SMURF1: variants seen among roughly 807,000 people sequenced by gnomAD.
The protein encoded by SMURF1 is E3 ubiquitin-protein ligase SMURF1.
SMURF1 carries 44 observed loss-of-function variants against 98.0 expected under a neutral mutation model. That is an observed-to-expected ratio of 0.45 (90% confidence interval 0.35 to 0.58). SMURF1 has a LOEUF of 0.58. Ranked by LOEUF, SMURF1 falls within the 20% of genes least tolerant of loss-of-function variation. SMURF1 has a pLI of 0.00. For synonymous variants in SMURF1, 396 were observed against 374.9 expected, an observed-to-expected ratio of 1.06 and a Z score of -0.65; for missense variants, 687 against 938.4, an observed-to-expected ratio of 0.73 and a Z score of 3.50.
chr7:99,095,612 T>C (rs573407352), intron 1 of SMURF1, among the ~76,000 whole-genome samples: 7 of 152,316 alleles, frequency 4.6e-5, no homozygotes, highest in Admixed American at 6.5e-5. Context: ...AAATTTTCCA[T>C]CACAGCAGAA....
At chr7:99,047,095 A>AGGGCCTGGTCTGTTTAG (rs1795608313) in intron 10 of SMURF1, among the ~76,000 whole-genome samples, 1 of 152,238 alleles carries the variant, frequency 6.6e-6, no homozygotes, top group African/African-American at 2.4e-5. Context: ...TCTTGGGAAA[A>AGGGCCTGGTCTGTTTAG]GGGCCTGGTC....
Position 99,144,037 on chromosome 7 carries a change from G to T in SMURF1, c.-257C>A, listed in dbSNP as rs867996603. The T allele has an allele frequency of 4.6e-3, 900 of 197,140 alleles. 10 individuals carry two copies. The highest frequency in any genetic ancestry group is 0.022 in the African/African-American group (825 of 37,638). The allele number at this position is 197,140 out of a possible 1,614,324, so 12.2% of individuals were successfully genotyped here. On this transcript the variant is annotated 5_prime_UTR_variant, in exon 1 of 18. Coordinates refer to ENST00000361368, the MANE Select transcript of SMURF1 (RefSeq NM_181349.3). ...CCGAGCCGCCGCCGCCTCCGCCGCCGCCTCCGCCGCCTCCACCACCTCAGA... is the reference window on the plus strand; with the variant it reads ...CCGAGCCGCCGCCGCCTCCGCCGCCTCCTCCGCCGCCTCCACCACCTCAGA...
chr7:99,079,229 C>G (rs774085265), intron 1 of SMURF1, among the ~76,000 whole-genome samples: 3 of 152,226 alleles, frequency 2.0e-5, no homozygotes, highest in Admixed American at 6.5e-5. Flanking sequence ...ATGCCCACCC[C>G]CCAGTGGAGG....
intron 1 of SMURF1, among the ~76,000 whole-genome samples, chr7:99,131,062 T>A (rs1301696716): frequency 6.6e-6 from 1 of 151,980 alleles, no homozygotes; most frequent in African/African-American, 2.4e-5. Flanking sequence ...GGGGAAGAGA[T>A]GGTCATGAAT....
chr7:99,040,600 G>A (rs370768035), intron 12 of SMURF1, 44 bp from the exon 13 acceptor site: 4 of 1,369,490 alleles, frequency 2.9e-6, no homozygotes, highest in Non-Finnish European at 2.9e-6. Context: ...GCATGGTGCC[G>A]GCCAATGTGG....
chr7:99,059,473 T>C (rs1367543808), intron 3 of SMURF1, among the ~76,000 whole-genome samples: 1 of 146,294 alleles, frequency 6.8e-6, no homozygotes, highest in African/African-American at 2.5e-5. Context: ...AAAATAGTGG[T>C]CTTCAAAGTA....
intron 14 of SMURF1, among the ~76,000 whole-genome samples, chr7:99,037,423 A>G (rs1326544997): frequency 6.6e-6 from 1 of 152,182 alleles, no homozygotes; most frequent in Non-Finnish European, 1.5e-5. Context: ...TTTTTAGTGG[A>G]GATGGGGTTT....
Position 99,030,644 on chromosome 7 carries a change from C to T in SMURF1, c.2136G>A (p.Glu712=), listed in dbSNP as rs755109324. The change falls in exon 18 of 18, where the codon GAG becomes GAA. Residue 712 remains glutamate (E), a synonymous_variant. Transcript: ENST00000361368. ...CTGTCAGCAGCTTCTCGTAGAGCTT[C>T]TCATAGGACTCATATGGTGGAATGT... ...RIDIPPYESY[E]KLYEKLLTAV... is the part of the protein sequence containing the mutation. 1.4e-5 allele frequency: 23 copies of T among 1,614,028 alleles called. No homozygotes were observed. The highest frequency in any genetic ancestry group is 1.9e-5 in the Non-Finnish European group (22 of 1,180,034).
intron 6 of SMURF1, among the ~76,000 whole-genome samples, chr7:99,053,271 A>G (rs1180445247): frequency 6.6e-6 from 1 of 152,092 alleles, no homozygotes; most frequent in East Asian, 1.9e-4. Context: ...AAAATTTCAA[A>G]TATGTATAAA....
chr7:99,046,260 A>G (rs1795569935), intron 10 of SMURF1, among the ~76,000 whole-genome samples: 1 of 152,200 alleles, frequency 6.6e-6, no homozygotes, highest in Admixed American at 6.5e-5. Flanking sequence ...CAAAAGGCAA[A>G]AAGATTTTAA....
At chr7:99,038,290 A>G in intron 14 of SMURF1, 98 bp downstream of exon 14, 5 of 1,392,358 alleles carry the variant, frequency 3.6e-6, no homozygotes, top group Admixed American at 1.9e-5. Context: ...ACCAGCCATC[A>G]GGGACATGCA....
intron 1 of SMURF1, among the ~76,000 whole-genome samples, chr7:99,126,634 G>A (rs915213933): frequency 3.9e-5 from 6 of 152,158 alleles, no homozygotes; most frequent in Non-Finnish European, 7.3e-5. Flanking sequence ...CAGCCTGGGC[G>A]ACAGAGCGAG....
At chr7:99,067,078 C>G (rs1192818826) in intron 1 of SMURF1, among the ~76,000 whole-genome samples, 1 of 150,928 alleles carries the variant, frequency 6.6e-6, no homozygotes, top group East Asian at 2.0e-4. Flanking sequence ...TCACTGCAAC[C>G]TCCACCTCCT....
rs1275538535 is a variant in SMURF1, at chr7:99,029,555, A to G, written c.*1029T>C. Reference sequence around the variant, plus strand: ...CACACCCTACTTTTTGTAGAACAGTATCTTTGGGTGGATTTACATCATCGA... The same window carrying G: ...CACACCCTACTTTTTGTAGAACAGTGTCTTTGGGTGGATTTACATCATCGA... On this transcript the variant is annotated 3_prime_UTR_variant, in exon 18 of 18. Transcript: ENST00000361368. 1 of 152,212 alleles carries G rather than the reference A, an allele frequency of 6.6e-6. No homozygotes were observed. The highest frequency in any genetic ancestry group is 1.5e-5 in the Non-Finnish European group (1 of 68,032). 9.4% of individuals were successfully genotyped at this position (152,212 alleles called of 1,614,324 possible). A position where few individuals can be genotyped will look rare whatever the true frequency, so the allele number is the denominator to read the frequency against.
In SMURF1 at chr7:99,042,061, A is replaced by G. The variant is rs953593399; in HGVS notation, c.1371+57T>C. Reference sequence around the variant, plus strand: ...CCAAGGACTGAGAATGAAACTGAAAATCCATCTCAAAACTTCTCCAACTCA... The same window carrying G: ...CCAAGGACTGAGAATGAAACTGAAAGTCCATCTCAAAACTTCTCCAACTCA... On this transcript the variant is annotated intron_variant, in intron 12 of 17. Coordinates refer to ENST00000361368, the MANE Select transcript of SMURF1 (RefSeq NM_181349.3). 7 of 1,359,430 alleles carry G rather than the reference A, an allele frequency of 5.1e-6. No homozygotes were observed. The East Asian group carries it at 6.9e-5, about 13-fold the overall frequency. The allele number at this position is 1,359,430 out of a possible 1,614,324, so 84.2% of individuals were successfully genotyped here.
chr7:99,061,739 T>G (rs1304574864), intron 2 of SMURF1, 60 bp downstream of exon 2: 1 of 1,385,986 alleles, frequency 7.2e-7, no homozygotes, highest in Non-Finnish European at 1.0e-6. Context: ...TTTTAAAGTT[T>G]AAAATTTCAG....
At chr7:99,086,004 C>A (rs1186595566) in intron 1 of SMURF1, among the ~76,000 whole-genome samples, 1 of 152,174 alleles carries the variant, frequency 6.6e-6, no homozygotes, top group African/African-American at 2.4e-5. Context: ...AAAAGATGGT[C>A]AACATCATTA....
At chr7:99,034,684 C>G (rs907423524) in intron 16 of SMURF1, among the ~76,000 whole-genome samples, 1 of 152,152 alleles carries the variant, frequency 6.6e-6, no homozygotes, top group Non-Finnish European at 1.5e-5. Context: ...GTCAGGCAGA[C>G]AGAGGCTCCC....
intron 14 of SMURF1, among the ~76,000 whole-genome samples, chr7:99,037,436 C>G (rs1176356133): frequency 1.3e-5 from 2 of 152,324 alleles, no homozygotes; most frequent in South Asian, 2.1e-4. Context: ...TGGGGTTTCA[C>G]CATGTTGGCC....
Sources: allele counts gnomAD v4.1 joint callset (sites outside exome capture counted in the v4.1 genomes callset), GRCh38; gene constraint gnomAD v4.1.1; transcripts MANE v1.5; gene names NCBI Gene and HGNC (gene_info 2026-07-23, HGNC 2026-07-21).